CDH12: variants seen among roughly 807,000 people sequenced by gnomAD.
CDH12 encodes the protein cadherin-12.
In CDH12, 41 loss-of-function variants were observed where a neutral mutation model predicts 74.1. That is an observed-to-expected ratio of 0.55 (90% CI 0.43 to 0.72). The LOEUF (loss-of-function observed/expected upper bound fraction) is 0.72. CDH12 is among the 30% of genes least tolerant of loss of function. The pLI is 0.00. For missense variants in CDH12, 945 were observed against 977.2 expected, an observed-to-expected ratio of 0.97 and a Z score of 0.44; for synonymous variants, 399 against 355.0, an observed-to-expected ratio of 1.12 and a Z score of -1.39.
At chr5:22,643,700 C>T (rs1381810512) in intron 1 of CDH12, among the ~76,000 whole-genome samples, 2 of 136,754 alleles carry the variant, frequency 1.5e-5, no homozygotes, top group East Asian at 4.7e-4. Context: ...ACAGGCACAG[C>T]TCATTTTATT....
At chr5:22,471,011 A>G (rs1745937734) in intron 2 of CDH12, among the ~76,000 whole-genome samples, 1 of 152,114 alleles carries the variant, frequency 6.6e-6, no homozygotes, top group Non-Finnish European at 1.5e-5. Context: ...TGCTACCTGG[A>G]ATCCAGCTAG....
rs180802719 is a variant in CDH12 at position 22,357,961 on chromosome 5, A to G, written c.-333+47296T>C. Among the ~76,000 whole-genome samples the G allele has an allele frequency of 4.5e-3, 683 of 152,338 alleles. 5 individuals carry two copies. Among genetic ancestry groups the G allele is most frequent in the African/African-American group, 0.016 (647 of 41,590 alleles). Reference sequence around the variant, plus strand: ...AGCATTTCTGTTTGGTATTTAATGTATATCTCATTAAAAATGAGTTTTGAA... The same window carrying G: ...AGCATTTCTGTTTGGTATTTAATGTGTATCTCATTAAAAATGAGTTTTGAA... On this transcript the variant is annotated intron_variant, in intron 3 of 14. Coordinates refer to ENST00000382254, the MANE Select transcript of CDH12 (RefSeq NM_004061.5).
chr5:21,757,316 C>T (rs1038144139), intron 13 of CDH12, among the ~76,000 whole-genome samples: 1 of 152,092 alleles, frequency 6.6e-6, no homozygotes, highest in African/African-American at 2.4e-5. Context: ...GCTGGGACTA[C>T]AGGTGCCTGC....
In CDH12 at chr5:22,057,212, T is replaced by C. The variant is rs115534393; in HGVS notation, c.231+21234A>G. On this transcript the variant is annotated intron_variant, in intron 5 of 14. Coordinates refer to ENST00000382254, the MANE Select transcript of CDH12 (RefSeq NM_004061.5). ...ATATTGAAACAAATAAGCATGTCTG[T>C]GTTTCAATAAAACTTTATTTACAAA... 3.8e-3 allele frequency among the ~76,000 whole-genome samples: 577 copies of C among 152,330 alleles called. 7 individuals are homozygous for C. The highest frequency in any genetic ancestry group is 0.014 in the Middle Eastern group (4 of 294).
chr5:22,300,057 G>A (rs1186161499), intron 3 of CDH12, among the ~76,000 whole-genome samples: 1 of 152,140 alleles, frequency 6.6e-6, no homozygotes, highest in Admixed American at 6.5e-5. Flanking sequence ...TTAAGCTAGG[G>A]TAGACTGAAA....
At chr5:22,481,895 C>T (rs866983873) in intron 2 of CDH12, among the ~76,000 whole-genome samples, 67 of 151,934 alleles carry the variant, frequency 4.4e-4, no homozygotes, top group African/African-American at 1.4e-3. Flanking sequence ...AAAAACAAAA[C>T]GAGGGGGTAT....
intron 6 of CDH12, among the ~76,000 whole-genome samples, chr5:21,931,988 G>A (rs114431593): frequency 1.8e-3 from 268 of 152,240 alleles, no homozygotes; most frequent in African/African-American, 6.0e-3. Flanking sequence ...ACAAACACAG[G>A]TTTTTTAATC....
At chr5:22,763,373 CTT>C (rs1746323127) in intron 1 of CDH12, among the ~76,000 whole-genome samples, 1 of 151,894 alleles carries the variant, frequency 6.6e-6, no homozygotes, top group Non-Finnish European at 1.5e-5. Context: ...TGTTTACCCC[CTT>C]TCATGTGTGA....
At chr5:22,079,432 A>G (rs1314632228) in intron 4 of CDH12, among the ~76,000 whole-genome samples, 2 of 152,222 alleles carry the variant, frequency 1.3e-5, no homozygotes, top group Non-Finnish European at 2.9e-5. Context: ...AACAATTTTT[A>G]AAAAGCAAAA....
At chr5:22,682,498 A>C (rs1741547409) in intron 1 of CDH12, among the ~76,000 whole-genome samples, 1 of 152,100 alleles carries the variant, frequency 6.6e-6, no homozygotes, top group African/African-American at 2.4e-5. Context: ...TGTATACAAC[A>C]GAGATTCTAT....
chr5:22,662,928 C>T (rs1435164128), intron 1 of CDH12, among the ~76,000 whole-genome samples: 2 of 152,164 alleles, frequency 1.3e-5, no homozygotes, highest in African/African-American at 4.8e-5. Context: ...AGGAAAACAA[C>T]AACAACTCAT....
chr5:22,599,006 T>A (rs547365218), intron 1 of CDH12, among the ~76,000 whole-genome samples: 9 of 152,328 alleles, frequency 5.9e-5, no homozygotes, highest in African/African-American at 1.2e-4. Flanking sequence ...TGCAGCCGTA[T>A]TGCATGCCTT....
chr5:21,868,944 C>T (rs1350160927), intron 6 of CDH12, among the ~76,000 whole-genome samples: 1 of 152,104 alleles, frequency 6.6e-6, no homozygotes, highest in Non-Finnish European at 1.5e-5. Flanking sequence ...CCCCTGGTGA[C>T]CCACTAACAA....
chr5:22,347,736 T>C (rs559793388), intron 3 of CDH12, among the ~76,000 whole-genome samples: 1 of 152,316 alleles, frequency 6.6e-6, no homozygotes, highest in African/African-American at 2.4e-5. Context: ...ATTTGTAGCA[T>C]TAGTAGTATT....
chr5:22,350,316 T>C (rs1653466756), intron 3 of CDH12, among the ~76,000 whole-genome samples: 1 of 152,204 alleles, frequency 6.6e-6, no homozygotes, highest in African/African-American at 2.4e-5. Flanking sequence ...CAAGGTTTTT[T>C]TCAGTTTAAA....
At chr5:22,479,897 C>A (rs1023626996) in intron 2 of CDH12, among the ~76,000 whole-genome samples, 1 of 152,120 alleles carries the variant, frequency 6.6e-6, no homozygotes, top group Non-Finnish European at 1.5e-5. Flanking sequence ...ACATTAAATT[C>A]TCAGTCTACT....
At chr5:22,395,293 AG>A in intron 3 of CDH12, among the ~76,000 whole-genome samples, 1 of 152,132 alleles carries the variant, frequency 6.6e-6, no homozygotes, top group Non-Finnish European at 1.5e-5. Flanking sequence ...AAGGAAGCCA[AG>A]GGTTGTCAAT....
At chr5:22,505,114 T>C (rs889411633) in intron 2 of CDH12, among the ~76,000 whole-genome samples, 156 bp downstream of exon 2, 5 of 152,034 alleles carry the variant, frequency 3.3e-5, no homozygotes, top group African/African-American at 1.2e-4. Flanking sequence ...ATGATTTTGT[T>C]GTGTTTATGT....
chr5:21,902,311 T>A (rs1231124607), intron 6 of CDH12, among the ~76,000 whole-genome samples: 1 of 150,802 alleles, frequency 6.6e-6, no homozygotes, highest in Non-Finnish European at 1.5e-5. Context: ...TATATGTGTA[T>A]ATATATATAT....
Sources: gnomAD v4.1 joint callset for allele counts (sites outside exome capture counted in the v4.1 genomes callset) on GRCh38, gnomAD v4.1.1 for gene constraint, MANE v1.5 for transcripts, NCBI Gene and HGNC (gene_info 2026-07-23, HGNC 2026-07-21) for gene names.